Variants in PNOC observed in about 807,000 individuals in gnomAD.
The protein encoded by PNOC is prepronociceptin, also known as nociceptin.
PNOC carries 10 observed loss-of-function variants against 15.6 expected under a neutral mutation model. The ratio of observed to expected loss-of-function variants is 0.64; its 90% confidence interval spans 0.40 to 1.09. PNOC has a LOEUF of 1.09. PNOC is among the 50% of genes least tolerant of loss of function. The pLI, the probability that PNOC is intolerant of heterozygous loss-of-function variation, is 0.01. For synonymous variants in PNOC, 98 were observed against 88.5 expected (o/e 1.11, Z -0.60); for missense variants, 220 against 223.9 (o/e 0.98, Z 0.11).
chr8:28,343,073 G>A lies in PNOC; in HGVS notation c.*179G>A, dbSNP rs1801552683. On this transcript the variant is annotated 3_prime_UTR_variant, in exon 4 of 4. Transcript: ENST00000301908. ...CTTCGTTTGCCTCCAGAACCTTCCCGTCTGATTGTTCCTCCCCAGCCCCCT... is the reference window on the plus strand; with the variant it reads ...CTTCGTTTGCCTCCAGAACCTTCCCATCTGATTGTTCCTCCCCAGCCCCCT... 10 of 817,244 alleles carry A rather than the reference G, an allele frequency of 1.2e-5. No homozygotes were observed. The highest frequency in any genetic ancestry group is 1.1e-4 in the South Asian group (2 of 18,034). 50.6% of individuals were successfully genotyped at this position (817,244 alleles called of 1,614,324 possible). A position where few individuals can be genotyped will look rare whatever the true frequency, so the allele number is the denominator to read the frequency against.
At chr8:28,320,444 C>G (rs1236118790) in intron 1 of PNOC, among the ~76,000 whole-genome samples, 1 of 152,112 alleles carries the variant, frequency 6.6e-6, no homozygotes, top group African/African-American at 2.4e-5. Context: ...GAGACTGAGA[C>G]TTTTGTTTTT....
At chr8:28,342,499 T>C (rs898741581) in intron 3 of PNOC, among the ~76,000 whole-genome samples, 1 of 152,172 alleles carries the variant, frequency 6.6e-6, no homozygotes, top group Non-Finnish European at 1.5e-5. Context: ...CCTGACCCTA[T>C]ACTACCTTCC....
chr8:28,330,400 T>TATTTTTTTTATTTTTTTTTTTTTA (rs1431540071), intron 2 of PNOC, among the ~76,000 whole-genome samples: 3 of 102,246 alleles, frequency 2.9e-5, no homozygotes, highest in East Asian at 2.4e-4. Context: ...TATTTTATTT[T>TATTTTTTTTATTTTTTTTTTTTTA]TTTTTTTTTT....
At chr8:28,323,841 T>C (rs1047462422) in intron 1 of PNOC, among the ~76,000 whole-genome samples, 3 of 152,266 alleles carry the variant, frequency 2.0e-5, no homozygotes, top group Admixed American at 2.0e-4. Context: ...ATGCTGTCTC[T>C]ATAACGATAT....
intron 3 of PNOC, among the ~76,000 whole-genome samples, chr8:28,342,155 G>A (rs1452487464): frequency 6.6e-6 from 1 of 152,012 alleles, no homozygotes. Flanking sequence ...GACCAGCCTG[G>A]CCAACATGGT....
intron 1 of PNOC, among the ~76,000 whole-genome samples, chr8:28,327,532 G>A (rs1465049533): frequency 2.6e-5 from 4 of 151,362 alleles, no homozygotes; most frequent in African/African-American, 9.7e-5. Context: ...ACAAAAGAGC[G>A]TATACTGGGT....
rs774766551 is a variant in PNOC at position 28,329,244 on chromosome 8, G to A, written c.87G>A (p.Gln29=). ...SSCQRDCLTC[Q]EKLHPALDSF... is the part of the protein sequence containing the mutation. ...GTCAGAGGGACTGTCTCACATGCCA[G>A]GAGAAGCTCCACCCAGCCCTGGACA... Residue 29 remains glutamine (Q), a synonymous_variant, in exon 2 of 4, where the codon CAG becomes CAA. Coordinates refer to ENST00000301908, the MANE Select transcript of PNOC (RefSeq NM_006228.5). The A allele has an allele frequency of 6.2e-7, 1 of 1,614,034 alleles. No homozygotes were observed. The highest frequency in any genetic ancestry group is 2.2e-5 in the East Asian group (1 of 44,888).
Position 28,343,114 on chromosome 8 carries a change from A to G in PNOC, c.*220A>G, listed in dbSNP as rs1801553388. The G allele has an allele frequency of 2.5e-6, 1 of 396,784 alleles. No individual in the cohort carries two copies. The highest frequency in any genetic ancestry group is 3.4e-6 in the Non-Finnish European group (1 of 291,318). The allele number at this position is 396,784 out of a possible 1,614,324, so 24.6% of individuals were successfully genotyped here. A position where few individuals can be genotyped will look rare whatever the true frequency, so the allele number is the denominator to read the frequency against. The stretch of plus-strand genomic sequence containing the variant: ...CCAGCCCCCTGGCATGTTTCACCAC[A>G]ACCCTGTTGCTACATCAGAGTGTAT... On this transcript the variant is annotated 3_prime_UTR_variant, in exon 4 of 4. Coordinates refer to ENST00000301908, the MANE Select transcript of PNOC (RefSeq NM_006228.5).
At chr8:28,330,560 C>CTTTTTTTTTTTTTTTT (rs34364812) in intron 2 of PNOC, among the ~76,000 whole-genome samples, 7 of 105,040 alleles carry the variant, frequency 6.7e-5, no homozygotes, top group Non-Finnish European at 7.8e-5. Flanking sequence ...CACCCGGCTA[C>CTTTTTTTTTTTTTTTT]TTTTTTTTTT....
chr8:28,330,938 G>T (rs1268815882), intron 2 of PNOC, among the ~76,000 whole-genome samples: 5 of 152,038 alleles, frequency 3.3e-5, no homozygotes, highest in Admixed American at 6.6e-5. Flanking sequence ...TCCTTCAAAA[G>T]ATGCCATCTT....
At chr8:28,335,939 A>AGAATCCTG (rs1801404785) in intron 2 of PNOC, among the ~76,000 whole-genome samples, 1 of 152,012 alleles carries the variant, frequency 6.6e-6, no homozygotes, top group Non-Finnish European at 1.5e-5. Context: ...AAAGAATAAA[A>AGAATCCTG]GAATCCTGGA....
chr8:28,327,381 C>T lies in PNOC; in HGVS notation c.-23-1754C>T, dbSNP rs1801241521. On this transcript the variant is annotated intron_variant, in intron 1 of 3. Transcript: ENST00000301908. The stretch of plus-strand genomic sequence containing the variant: ...TCTAATCAACCAATCCTTGGAGCTA[C>T]TATCTTGGAATAGTTTCTTTGTTCG... 1.3e-5 allele frequency among the ~76,000 whole-genome samples: 2 copies of T among 152,194 alleles called. 1 individual carries two copies. The highest frequency in any genetic ancestry group is 2.9e-5 in the Non-Finnish European group (2 of 68,036).
Position 28,339,316 on chromosome 8 carries a change from G to T in PNOC, c.403G>T (p.Gly135Trp). ...GCAGAAGAGATTTGGGGGCTTCACC[G>T]GGGCCCGGAAGTCGGCCAGGAAGTT... The part of the protein sequence containing the change: ...QLQKRFGGFT[G>W]ARKSARKLAN... The change falls in exon 3 of 4, where the codon GGG becomes TGG. Residue 135 changes from glycine (G) to tryptophan (W), a missense_variant. Transcript: ENST00000301908. The T allele has an allele frequency of 6.2e-7, 1 of 1,611,822 alleles. No homozygotes were observed. The highest frequency in any genetic ancestry group is 1.1e-5 in the South Asian group (1 of 90,876).
intron 2 of PNOC, among the ~76,000 whole-genome samples, chr8:28,330,396 A>ATTTTATTTTTTTTTTTTTTTTTTTTTTT (rs377288105): frequency 2.6e-4 from 21 of 80,412 alleles, no homozygotes; most frequent in Non-Finnish European, 5.3e-4. Context: ...ATTTTATTTT[A>ATTTTATTTTTTTTTTTTTTTTTTTTTTT]TTTTTTTTTT....
Position 28,343,086 on chromosome 8 carries a change from TC to T in PNOC, c.*196del, listed in dbSNP as rs1801552987. On this transcript the variant is annotated 3_prime_UTR_variant, in exon 4 of 4. Coordinates refer to ENST00000301908, the MANE Select transcript of PNOC (RefSeq NM_006228.5). ...CAGAACCTTCCCGTCTGATTGTTCC[TC>T]CCCAGCCCCCTGGCATGTTTCACCA... The T allele has an allele frequency of 1.4e-6, 1 of 707,306 alleles. No homozygotes were observed. The highest frequency in any genetic ancestry group is 1.9e-5 in the African/African-American group (1 of 52,178). The allele number at this position is 707,306 out of a possible 1,614,324, so 43.8% of individuals were successfully genotyped here. A position where few individuals can be genotyped will look rare whatever the true frequency, so the allele number is the denominator to read the frequency against.
intron 2 of PNOC, among the ~76,000 whole-genome samples, chr8:28,330,396 A>ATTTTATTTTATTTTTT (rs377288105): frequency 1.1e-4 from 9 of 80,450 alleles, no homozygotes; most frequent in Admixed American, 1.7e-4. Flanking sequence ...ATTTTATTTT[A>ATTTTATTTTATTTTTT]TTTTTTTTTT....
intron 1 of PNOC, among the ~76,000 whole-genome samples, chr8:28,318,489 C>T (rs545956733): frequency 4.6e-5 from 7 of 152,344 alleles, no homozygotes; most frequent in African/African-American, 1.7e-4. Context: ...AAAGTAACTG[C>T]CTGGCTTCTT....
chr8:28,336,555 G>A (rs1020576044), intron 2 of PNOC, among the ~76,000 whole-genome samples: 2 of 151,598 alleles, frequency 1.3e-5, no homozygotes, highest in Non-Finnish European at 2.9e-5. Flanking sequence ...GCCTCAAGGG[G>A]TGTGTGATGA....
chr8:28,336,864 G>T (rs1488800777), intron 2 of PNOC, among the ~76,000 whole-genome samples: 1 of 151,910 alleles, frequency 6.6e-6, no homozygotes, highest in Admixed American at 6.6e-5. Flanking sequence ...GCAGGATGGG[G>T]GCAGTGAGAG....
Sources: allele counts gnomAD v4.1 joint callset (sites outside exome capture counted in the v4.1 genomes callset), GRCh38; gene constraint gnomAD v4.1.1; transcripts MANE v1.5; gene names NCBI Gene and HGNC (gene_info 2026-07-23, HGNC 2026-07-21).